DSCAML1: variants seen among roughly 807,000 people sequenced by gnomAD.
DSCAML1 encodes the protein DS cell adhesion molecule like 1.
In DSCAML1, 38 loss-of-function variants were observed where a neutral mutation model predicts 200.5. That is an observed-to-expected ratio of 0.19 (90% CI 0.15 to 0.25). The LOEUF (loss-of-function observed/expected upper bound fraction) is 0.25, where lower values mean the gene tolerates loss of function less well. Ranked by LOEUF, DSCAML1 falls within the 10% of genes least tolerant of loss-of-function variation. The pLI is 1.00. For synonymous variants in DSCAML1, 1,215 were observed against 1,165.0 expected (o/e 1.04, Z -0.87); for missense variants, 2,223 against 2,858.8 (o/e 0.78, Z 5.07).
intron 20 of DSCAML1, among the ~76,000 whole-genome samples, chr11:117,445,084 G>A (rs1171556829): frequency 1.3e-5 from 2 of 152,240 alleles, no homozygotes; most frequent in Non-Finnish European, 2.9e-5. Context: ...ACATGTAGAC[G>A]CATGCACACA....
intron 3 of DSCAML1, among the ~76,000 whole-genome samples, chr11:117,596,983 G>A (rs1158624704): frequency 6.6e-6 from 1 of 152,088 alleles, no homozygotes; most frequent in Non-Finnish European, 1.5e-5. Context: ...TTTTCCCTTG[G>A]CATAGAACAG....
At chr11:117,562,152 C>A (rs1486457833) in intron 3 of DSCAML1, among the ~76,000 whole-genome samples, 1 of 152,178 alleles carries the variant, frequency 6.6e-6, no homozygotes, top group African/African-American at 2.4e-5. Context: ...TCTGACCCAG[C>A]ACTGAGGGCC....
intron 3 of DSCAML1, among the ~76,000 whole-genome samples, chr11:117,697,369 G>A (rs1359626422): frequency 6.6e-6 from 1 of 152,152 alleles, no homozygotes; most frequent in Non-Finnish European, 1.5e-5. Flanking sequence ...ACCTGGAATG[G>A]ATCTATTTGT....
intron 3 of DSCAML1, among the ~76,000 whole-genome samples, chr11:117,662,831 A>G (rs1210635316): frequency 2.0e-5 from 3 of 152,160 alleles, no homozygotes; most frequent in Non-Finnish European, 4.4e-5. Context: ...GCCCCACTCA[A>G]AATTTGAATT....
At chr11:117,675,813 A>G (rs1232663934) in intron 3 of DSCAML1, among the ~76,000 whole-genome samples, 2 of 152,088 alleles carry the variant, frequency 1.3e-5, no homozygotes, top group Non-Finnish European at 2.9e-5. Context: ...TCTGAAAGTA[A>G]CCCACAGACT....
intron 3 of DSCAML1, among the ~76,000 whole-genome samples, chr11:117,575,252 C>G (rs1263783590): frequency 6.6e-6 from 1 of 152,196 alleles, no homozygotes; most frequent in African/African-American, 2.4e-5. Context: ...GGGACCACAT[C>G]TGGAGGACTG....
intron 3 of DSCAML1, among the ~76,000 whole-genome samples, chr11:117,757,442 G>A (rs1443373478): frequency 6.6e-6 from 1 of 151,930 alleles, no homozygotes; most frequent in African/African-American, 2.4e-5. Context: ...GCATTGACCA[G>A]GACACATTCT....
At chr11:117,442,862 G>A (rs1458318080) in intron 21 of DSCAML1, among the ~76,000 whole-genome samples, 1 of 152,152 alleles carries the variant, frequency 6.6e-6, no homozygotes, top group Non-Finnish European at 1.5e-5. Context: ...CTCCTTCCCG[G>A]TTGTCTTTGC....
intron 22 of DSCAML1, 95 bp from the exon 23 acceptor site, chr11:117,439,524 G>A (rs2137081748): frequency 6.7e-7 from 1 of 1,488,062 alleles, no homozygotes; most frequent in Non-Finnish European, 9.0e-7. Context: ...GCTGGGGGTG[G>A]AAGGAGGCTC....
rs560752020 is a variant in DSCAML1 at position 117,543,003 on chromosome 11, T to C, written c.512-10481A>G. ...CCTTTCTGGGCAGAGGTTGGTCCCC[T>C]GGCCTCTTCATTCTTCCGATGGAGG... On this transcript the variant is annotated intron_variant, in intron 3 of 32. Coordinates refer to ENST00000651296, the MANE Select transcript of DSCAML1 (RefSeq NM_020693.4). Among the ~76,000 whole-genome samples the C allele has an allele frequency of 6.8e-4, 104 of 152,358 alleles. 1 individual carries two copies. Among genetic ancestry groups the C allele is most frequent in the Non-Finnish European group, 1.5e-4 (10 of 68,032 alleles).
intron 3 of DSCAML1, among the ~76,000 whole-genome samples, chr11:117,641,073 A>C (rs1459494905): frequency 6.6e-6 from 1 of 152,274 alleles, no homozygotes; most frequent in Non-Finnish European, 1.5e-5. Flanking sequence ...AATCAGGTTG[A>C]GAACCACTCC....
At chr11:117,799,863 T>G (rs1007412411), upstream of DSCAML1, among the ~76,000 whole-genome samples, 2 of 152,162 alleles carry the variant, frequency 1.3e-5, no homozygotes, top group Non-Finnish European at 2.9e-5. Flanking sequence ...CTACCATGAA[T>G]GGGAACAGCT....
chr11:117,458,543 C>T (rs775065149), intron 19 of DSCAML1, among the ~76,000 whole-genome samples: 8 of 151,738 alleles, frequency 5.3e-5, no homozygotes, highest in Admixed American at 2.6e-4. Flanking sequence ...GTAGGGGGTG[C>T]GGGGGGAGGT....
chr11:117,784,177 G>T (rs1346326258), intron 1 of DSCAML1, among the ~76,000 whole-genome samples: 1 of 152,194 alleles, frequency 6.6e-6, no homozygotes, highest in Non-Finnish European at 1.5e-5. Flanking sequence ...GAGTCTGGGG[G>T]AGCAGGGGAG....
chr11:117,466,758 G>C (rs1407077310), intron 16 of DSCAML1, among the ~76,000 whole-genome samples: 1 of 152,196 alleles, frequency 6.6e-6, no homozygotes, highest in Non-Finnish European at 1.5e-5. Context: ...GGATGAAAAA[G>C]CTCTGGAAGT....
At position 117,702,872 on chromosome 11, in the gene DSCAML1, TAGA is replaced by T. The variant is rs2053693822; in HGVS notation, c.511+73916_511+73918del. ...GGTATAAATGAACCCCAAAATGATC[TAGA>T]AGAAGCTGATAGTTAAAGGATTCTT... is the stretch of plus-strand genomic sequence containing the variant. On this transcript the variant is annotated intron_variant, in intron 3 of 32. Coordinates refer to ENST00000651296, the MANE Select transcript of DSCAML1 (RefSeq NM_020693.4). 2.0e-5 allele frequency among the ~76,000 whole-genome samples: 3 copies of T among 152,330 alleles called. No homozygotes were observed. The East Asian group carries it at 5.8e-4, about 29-fold the overall frequency.
intron 3 of DSCAML1, among the ~76,000 whole-genome samples, chr11:117,688,346 T>C (rs1222676652): frequency 6.6e-6 from 1 of 152,024 alleles, no homozygotes; most frequent in Non-Finnish European, 1.5e-5. Context: ...GAGGGAGGGC[T>C]GTGTTCTCGG....
chr11:117,501,152 G>A (rs1240731026), intron 11 of DSCAML1, among the ~76,000 whole-genome samples: 1 of 152,108 alleles, frequency 6.6e-6, no homozygotes, highest in Admixed American at 6.5e-5. Flanking sequence ...GAATGGGGGA[G>A]TGGGAGAATT....
At position 117,505,343 on chromosome 11, in the gene DSCAML1, C is replaced by G; in HGVS notation, c.2062+111G>C. The G allele has an allele frequency of 7.0e-7, 1 of 1,431,022 alleles. No individual in the cohort carries two copies. The highest frequency in any genetic ancestry group is 9.4e-7 in the Non-Finnish European group (1 of 1,063,596). 88.6% of individuals were successfully genotyped at this position (1,431,022 alleles called of 1,614,324 possible). On this transcript the variant is annotated intron_variant, in intron 9 of 32. Transcript: ENST00000651296. The surrounding 1 kb of genome is among the most constrained non-coding windows in gnomAD (Gnocchi z 6.7). Reference sequence around the variant, plus strand: ...AGGCTCCAACAGGCCCTTCAAGATGCTGGAGCCCACCTTCCATGAGCCCGT... The same window carrying G: ...AGGCTCCAACAGGCCCTTCAAGATGGTGGAGCCCACCTTCCATGAGCCCGT...
Sources: gnomAD v4.1 joint callset for allele counts (sites outside exome capture counted in the v4.1 genomes callset) on GRCh38, gnomAD v4.1.1 for gene constraint, Gnocchi (gnomAD v3.1) non-coding constraint, MANE v1.5 for transcripts, NCBI Gene and HGNC (gene_info 2026-07-23, HGNC 2026-07-21) for gene names.